The following ZFAT variants were observed in gnomAD, a reference collection of about 807,000 sequenced individuals.
ZFAT encodes the protein zinc finger protein ZFAT.
A neutral mutation model predicts 117.7 loss-of-function variants in ZFAT; 64 were observed. The ratio of observed to expected loss-of-function variants is 0.54; its 90% CI spans 0.44 to 0.67. The LOEUF (loss-of-function observed/expected upper bound fraction) is 0.67. Among genes scored for constraint, ZFAT ranks in the 30% least tolerant of loss-of-function variants. The probability of loss-of-function intolerance (pLI) is 0.00; values close to 1 mark genes in which losing one functional copy is unlikely to be tolerated. For missense variants in ZFAT, 1,433 were observed against 1,584.5 expected, an observed-to-expected ratio of 0.90 and a Z score of 1.62; for synonymous variants, 679 against 615.0, an observed-to-expected ratio of 1.10 and a Z score of -1.54.
chr8:134,592,412 C>G (rs1826575812), intron 7 of ZFAT, among the ~76,000 whole-genome samples: 1 of 152,218 alleles, frequency 6.6e-6, no homozygotes, highest in Non-Finnish European at 1.5e-5. Flanking sequence ...TTATGAGACC[C>G]TGACTAGCAG....
intron 10 of ZFAT, among the ~76,000 whole-genome samples, chr8:134,565,927 T>C (rs573915728): frequency 3.0e-4 from 45 of 152,230 alleles, no homozygotes; most frequent in Non-Finnish European, 5.0e-4. Context: ...GTCTGGACCA[T>C]CTCACAAGGA....
chr8:134,828,319 C>A, the ZFAT span, among the ~76,000 whole-genome samples: 1 of 152,144 alleles, frequency 6.6e-6, no homozygotes, highest in Non-Finnish European at 1.5e-5. Context: ...TGAAACCGTG[C>A]CCAGTATCCC....
chr8:134,590,481 A>G, intron 7 of ZFAT, 126 bp from the exon 8 acceptor site: 1 of 666,048 alleles, frequency 1.5e-6, no homozygotes, highest in East Asian at 2.7e-5. Flanking sequence ...ATCAACAGTC[A>G]TCACCACCAC....
chr8:134,610,526 G>A lies in ZFAT; in HGVS notation c.578C>T (p.Ser193Phe), dbSNP rs1457960358. ...ACTTATGATGGGTTTCTTCGCCCCA[G>A]AAAGCTGTCTGGCCTCCTTTCCTGA... ...KISGKEARQLSGAKKPIISVV... is the reference protein window; with the variant it reads ...KISGKEARQLFGAKKPIISVV... The change falls in exon 4 of 16, where the codon TCT becomes TTT. Residue 193 changes from serine to phenylalanine, a missense_variant. This residue lies in a region of ZFAT where 436 missense variants were observed against 482.0 expected (regional missense o/e 0.90). Transcript: ENST00000377838. 6.2e-7 allele frequency: 1 copy of A among 1,614,064 alleles called. No homozygotes were observed. The highest frequency in any genetic ancestry group is 1.7e-5 in the Admixed American group (1 of 60,000).
chr8:134,501,417 C>A (rs1818966652), intron 15 of ZFAT, among the ~76,000 whole-genome samples: 1 of 152,022 alleles, frequency 6.6e-6, no homozygotes, highest in Non-Finnish European at 1.5e-5. Flanking sequence ...AAAATACAAG[C>A]AGTTATGGCA....
At chr8:134,682,794 A>G (rs1833133093) in intron 1 of ZFAT, among the ~76,000 whole-genome samples, 1 of 152,176 alleles carries the variant, frequency 6.6e-6, no homozygotes, top group Admixed American at 6.5e-5. Context: ...CCTCCCCTGT[A>G]AGGCCCTTTT....
chr8:134,599,519 G>A (rs1345336261), intron 7 of ZFAT: 1 of 306,660 alleles, frequency 3.3e-6, no homozygotes, highest in Non-Finnish European at 6.3e-6. Flanking sequence ...CAGGGCCTGT[G>A]AGAGTGTTGG....
chr8:134,774,400 T>A, the ZFAT span, among the ~76,000 whole-genome samples: 29 of 152,214 alleles, frequency 1.9e-4, no homozygotes, highest in African/African-American at 7.0e-4. Flanking sequence ...TGCAGCAAAC[T>A]TCGCTGCTGT....
chr8:134,824,779 T>C, the ZFAT span, among the ~76,000 whole-genome samples: 2 of 152,176 alleles, frequency 1.3e-5, no homozygotes, highest in African/African-American at 2.4e-5. Context: ...AAAAAGAAGA[T>C]AAAAATTACC....
intron 2 of ZFAT, among the ~76,000 whole-genome samples, chr8:134,656,881 C>T (rs369856372): frequency 2.0e-5 from 3 of 152,170 alleles, no homozygotes; most frequent in Admixed American, 6.5e-5. Context: ...TTCTCTGATC[C>T]GTGCACCTGC....
At chr8:134,706,207 T>G (rs1181432699) in intron 1 of ZFAT, among the ~76,000 whole-genome samples, 1 of 152,222 alleles carries the variant, frequency 6.6e-6, no homozygotes, top group Non-Finnish European at 1.5e-5. Flanking sequence ...CAAAAAGGCT[T>G]GTACGGGAAC....
the ZFAT span, among the ~76,000 whole-genome samples, chr8:134,740,894 T>G: frequency 2.0e-5 from 3 of 152,206 alleles, no homozygotes. Context: ...CTGTGGCATT[T>G]CATCTACCAG....
intron 1 of ZFAT, among the ~76,000 whole-genome samples, chr8:134,704,480 T>G (rs975343670): frequency 6.6e-6 from 1 of 152,194 alleles, no homozygotes; most frequent in East Asian, 1.9e-4. Context: ...CTCTCTGAAC[T>G]ATTTCTCTAA....
At chr8:134,689,574 C>T (rs191721427) in intron 1 of ZFAT, among the ~76,000 whole-genome samples, 1 of 152,296 alleles carries the variant, frequency 6.6e-6, no homozygotes, top group Non-Finnish European at 1.5e-5. Context: ...TCGCATACTA[C>T]GATAGAGAGC....
chr8:134,554,141 G>A (rs530907719), intron 11 of ZFAT, among the ~76,000 whole-genome samples: 2 of 152,296 alleles, frequency 1.3e-5, no homozygotes, highest in South Asian at 4.2e-4. Flanking sequence ...TGCTGTCTCA[G>A]TCACCCTCCT....
intron 15 of ZFAT, among the ~76,000 whole-genome samples, chr8:134,503,850 G>T (rs1819176403): frequency 6.6e-6 from 1 of 152,042 alleles, no homozygotes; most frequent in South Asian, 2.1e-4. Context: ...CCAGCTTGCT[G>T]ACAGCAGACA....
chr8:134,804,255 G>A, the ZFAT span, among the ~76,000 whole-genome samples: 1 of 152,088 alleles, frequency 6.6e-6, no homozygotes, highest in Non-Finnish European at 1.5e-5. Flanking sequence ...AAATACTTAG[G>A]AAAAATATTA....
chr8:134,545,547 C>A (rs1345605863), intron 11 of ZFAT, among the ~76,000 whole-genome samples: 2 of 151,934 alleles, frequency 1.3e-5, no homozygotes, highest in East Asian at 3.9e-4. Context: ...ACGTGGTTGG[C>A]AAAACTATAA....
At chr8:134,689,517 C>A (rs1055170252) in intron 1 of ZFAT, among the ~76,000 whole-genome samples, 2 of 152,220 alleles carry the variant, frequency 1.3e-5, no homozygotes, top group African/African-American at 2.4e-5. Flanking sequence ...CTCTACCCAG[C>A]CTCCTTCCCC....
Sources: gnomAD v4.1 joint callset for allele counts (sites outside exome capture counted in the v4.1 genomes callset) on GRCh38, gnomAD v4.1.1 for gene constraint, gnomAD v4.1.1 regional missense constraint, MANE v1.5 for transcripts, NCBI Gene and HGNC (gene_info 2026-07-23, HGNC 2026-07-21) for gene names.